The following CYP51A1 variants were observed in gnomAD, a reference collection of about 807,000 sequenced individuals.
The protein encoded by CYP51A1 is cytochrome P450 family 51 subfamily A member 1.
In CYP51A1, 45 loss-of-function variants were observed where a neutral mutation model predicts 53.5. The observed-to-expected ratio is 0.84, with a 90% CI of 0.66 to 1.08. The LOEUF (loss-of-function observed/expected upper bound fraction) is 1.08. Ranked by LOEUF, CYP51A1 falls within the 50% of genes least tolerant of loss-of-function variation. CYP51A1 has a pLI of 0.00. For missense variants in CYP51A1, 462 were observed against 621.7 expected, an observed-to-expected ratio of 0.74 and a Z score of 2.73; for synonymous variants, 181 against 217.7, an observed-to-expected ratio of 0.83 and a Z score of 1.48.
At chr7:92,116,909 TCTC>T (rs760915113) in intron 9 of CYP51A1, 132 bp downstream of exon 9, 158 of 691,548 alleles carry the variant, frequency 2.3e-4, no homozygotes, top group Non-Finnish European at 1.4e-4. Context: ...TAAAGATTCT[TCTC>T]CTAAAAAAGT....
chr7:92,125,351 C>T (rs1819778657), intron 5 of CYP51A1, among the ~76,000 whole-genome samples: 1 of 152,080 alleles, frequency 6.6e-6, no homozygotes, highest in Admixed American at 6.5e-5. Context: ...CAATCTGTAA[C>T]TAGATAGAGG....
intron 4 of CYP51A1, 60 bp downstream of exon 4, chr7:92,127,445 C>G: frequency 6.6e-7 from 1 of 1,514,400 alleles, no homozygotes; most frequent in Non-Finnish European, 9.0e-7. Flanking sequence ...CATATATACT[C>G]TACTTTTCTA....
chr7:92,117,271 A>T (rs1819597863), intron 8 of CYP51A1, 59 bp from the exon 9 acceptor site: 2 of 1,464,266 alleles, frequency 1.4e-6, no homozygotes, highest in Admixed American at 3.5e-5. Context: ...ACAAATAATC[A>T]GATCATTGTG....
At chr7:92,124,896 C>G (rs986651647) in intron 5 of CYP51A1, among the ~76,000 whole-genome samples, 2 of 152,158 alleles carry the variant, frequency 1.3e-5, no homozygotes, top group African/African-American at 4.8e-5. Context: ...GTAATCCCAG[C>G]ACTATGGGAG....
chr7:92,134,097 G>C lies in CYP51A1; in HGVS notation c.192+76C>G. On this transcript the variant is annotated intron_variant, in intron 1 of 9. Transcript: ENST00000003100. ...CATCCACTGAGCCGGTCGGGGCCAC[G>C]GAGCCGCCCACGCCAGCCCTTCGGC... 3.4e-6 allele frequency: 5 copies of C among 1,453,934 alleles called. No individual in the cohort carries two copies. The South Asian group carries it at 6.0e-5, about 17-fold the overall frequency. The allele number at this position is 1,453,934 out of a possible 1,614,324, so 90.1% of individuals were successfully genotyped here.
intron 3 of CYP51A1, among the ~76,000 whole-genome samples, chr7:92,128,184 T>C (rs940592579): frequency 6.6e-6 from 1 of 152,230 alleles, no homozygotes; most frequent in African/African-American, 2.4e-5. Flanking sequence ...CAGGAAGTCC[T>C]TTTGATGAAG....
chr7:92,120,594 A>AT (rs1378929606), intron 7 of CYP51A1, among the ~76,000 whole-genome samples: 3 of 152,138 alleles, frequency 2.0e-5, no homozygotes, highest in Non-Finnish European at 4.4e-5. Flanking sequence ...GCTATAATAG[A>AT]TTTTTTTACA....
rs767507296 is a variant in CYP51A1 at position 92,117,260 on chromosome 7, G to C, written c.1183-48C>G. The C allele has an allele frequency of 2.2e-5, 33 of 1,526,010 alleles. No individual in the cohort carries two copies. In the South Asian group the frequency reaches 3.7e-4, roughly 17 times the overall value. The allele number at this position is 1,526,010 out of a possible 1,614,324, so 94.5% of individuals were successfully genotyped here. On this transcript the variant is annotated intron_variant, in intron 8 of 9. Coordinates refer to ENST00000003100, the MANE Select transcript of CYP51A1 (RefSeq NM_000786.4). ...TCATTAGAGAATTTAAAAATGTGCT[G>C]ACAAATAATCAGATCATTGTGTAAT...
chr7:92,117,778 G>A (rs893519152), intron 8 of CYP51A1, among the ~76,000 whole-genome samples: 1 of 151,936 alleles, frequency 6.6e-6, no homozygotes, highest in African/African-American at 2.4e-5. Context: ...ACCTGAGGTC[G>A]GGAGTTCGAG....
chr7:92,119,773 T>C (rs974703749), intron 7 of CYP51A1, among the ~76,000 whole-genome samples: 2 of 152,076 alleles, frequency 1.3e-5, no homozygotes, highest in African/African-American at 2.4e-5. Context: ...AGCAGTTTAA[T>C]AGAAACTATC....
chr7:92,117,013 A>G lies in CYP51A1; in HGVS notation c.1351+31T>C, dbSNP rs772492109. 4 of 1,574,906 alleles carry G rather than the reference A, an allele frequency of 2.5e-6. No homozygotes were observed. The Admixed American group carries it at 7.1e-5, about 28-fold the overall frequency. On this transcript the variant is annotated intron_variant, in intron 9 of 9. Coordinates refer to ENST00000003100, the MANE Select transcript of CYP51A1 (RefSeq NM_000786.4). ...AGAGACAAATATGTTATCAGAACAA[A>G]CATTTCCAATCTAAAATATAATCAT...
chr7:92,132,950 A>G (rs762353645), intron 1 of CYP51A1, among the ~76,000 whole-genome samples: 1 of 152,246 alleles, frequency 6.6e-6, no homozygotes, highest in Non-Finnish European at 1.5e-5. Flanking sequence ...ACAACCTCAC[A>G]GTACACCTCA....
intron 5 of CYP51A1, 148 bp from the exon 6 acceptor site, chr7:92,124,001 G>A: frequency 1.7e-6 from 1 of 586,476 alleles, no homozygotes; most frequent in Non-Finnish European, 2.8e-6. Flanking sequence ...ATCAGAACCA[G>A]GAACATACTG....
chr7:92,115,050 A>G (rs915559289), intron 9 of CYP51A1, among the ~76,000 whole-genome samples: 10 of 152,224 alleles, frequency 6.6e-5, no homozygotes, highest in Admixed American at 6.5e-4. Context: ...TTTAATCGCA[A>G]CAAGCAAGAA....
rs762665681 is a variant in CYP51A1, at chr7:92,128,887, G to A, written c.461C>T (p.Pro154Leu). Residue 154 changes from proline (P) to leucine (L), a missense_variant, in exon 3 of 10, where the codon CCT becomes CTT. Coordinates refer to ENST00000003100, the MANE Select transcript of CYP51A1 (RefSeq NM_000786.4). ...GGTAACAGTGTCACCTACTGGATTA[G>A]GCACATCGTATGCAACTCCCTTCCC... is the stretch of plus-strand genomic sequence containing the variant. ...VFGKGVAYDV[P>L]NPVFLEQKKM... 1.9e-6 allele frequency: 3 copies of A among 1,610,956 alleles called. No individual in the cohort carries two copies. The highest frequency in any genetic ancestry group is 1.3e-5 in the African/African-American group (1 of 74,804).
At chr7:92,117,249 A>G in intron 8 of CYP51A1, 37 bp from the exon 9 acceptor site, 1 of 1,568,804 alleles carries the variant, frequency 6.4e-7, no homozygotes, top group Non-Finnish European at 8.7e-7. Flanking sequence ...TAGAGAATTT[A>G]AAAATGTGCT....
intron 1 of CYP51A1, 22 bp downstream of exon 1, chr7:92,134,151 A>G (rs1188054337): frequency 6.2e-7 from 1 of 1,609,056 alleles, no homozygotes; most frequent in Non-Finnish European, 8.5e-7. Flanking sequence ...CGCCCCACTC[A>G]GACCCTAAAG....
At chr7:92,132,706 ACAAT>A (rs938885847) in intron 1 of CYP51A1, among the ~76,000 whole-genome samples, 3 of 152,226 alleles carry the variant, frequency 2.0e-5, no homozygotes, top group African/African-American at 7.2e-5. Flanking sequence ...TTCTCAGTAA[ACAAT>A]CAATCTCATG....
intron 5 of CYP51A1, 98 bp downstream of exon 5, chr7:92,126,155 A>T: frequency 2.5e-6 from 2 of 806,220 alleles, no homozygotes; most frequent in Non-Finnish European, 3.7e-6. Flanking sequence ...TGTATGTTTT[A>T]CTTGTTTAAT....
Sources: allele counts gnomAD v4.1 joint callset (sites outside exome capture counted in the v4.1 genomes callset), GRCh38; gene constraint gnomAD v4.1.1; transcripts MANE v1.5; gene names NCBI Gene and HGNC (gene_info 2026-07-23, HGNC 2026-07-21).